DIAPH2: variants seen among roughly 807,000 people sequenced by gnomAD.
DIAPH2 encodes protein diaphanous homolog 2.
A neutral mutation model predicts 92.7 loss-of-function variants in DIAPH2; 35 were observed. The observed-to-expected ratio is 0.38, with a 90% confidence interval of 0.29 to 0.50. The LOEUF (loss-of-function observed/expected upper bound fraction) is 0.50, where lower values mean the gene tolerates loss of function less well. Ranked by LOEUF, DIAPH2 falls within the 20% of genes least tolerant of loss-of-function variation. The pLI, the probability that DIAPH2 is intolerant of heterozygous loss-of-function variation, is 0.94. For synonymous variants in DIAPH2, 301 were observed against 280.4 expected (o/e 1.07, Z -0.73); for missense variants, 701 against 819.5 (o/e 0.86, Z 1.77).
chrX:97,291,352 C>T (rs910463407), intron 23 of DIAPH2, among the ~76,000 whole-genome samples: 2 of 110,720 alleles, frequency 1.8e-5, no homozygotes, highest in African/African-American at 6.5e-5. Context: ...GAGCCGAGAT[C>T]GCACCACTGC....
chrX:96,946,527 A>G (rs773019377), intron 14 of DIAPH2, among the ~76,000 whole-genome samples: 2 of 112,152 alleles, frequency 1.8e-5, no homozygotes, highest in Non-Finnish European at 3.8e-5. Context: ...ACTTCAGGGC[A>G]TCTGAAGAAA....
At chrX:97,427,424 A>T (rs2070078818) in intron 25 of DIAPH2, among the ~76,000 whole-genome samples, 1 of 111,140 alleles carries the variant, frequency 9.0e-6, no homozygotes, top group African/African-American at 3.3e-5. Flanking sequence ...TATCAGACTG[A>T]TCTGAGTTCA....
At chrX:96,901,987 A>G (rs2065400806) in intron 5 of DIAPH2, among the ~76,000 whole-genome samples, 1 of 111,908 alleles carries the variant, frequency 8.9e-6, no homozygotes, top group South Asian at 3.7e-4. Flanking sequence ...AACGTGTGTC[A>G]CTAGTACCAT....
chrX:96,837,202 G>A, intron 4 of DIAPH2, among the ~76,000 whole-genome samples: 1 of 110,965 alleles, frequency 9.0e-6, no homozygotes, highest in Non-Finnish European at 1.9e-5. Flanking sequence ...TTAGGTAAGG[G>A]TGTTTTATTT....
chrX:97,396,639 AAAAT>A (rs1395777721), intron 25 of DIAPH2, among the ~76,000 whole-genome samples: 2 of 111,873 alleles, frequency 1.8e-5, no homozygotes, highest in Admixed American at 9.5e-5. Context: ...CTGTCTAAAA[AAAAT>A]AAATAAATAA....
intron 26 of DIAPH2, among the ~76,000 whole-genome samples, chrX:97,593,830 A>G (rs1183396269): frequency 8.9e-6 from 1 of 111,948 alleles, no homozygotes; most frequent in Non-Finnish European, 1.9e-5. Context: ...TGATCAGTAT[A>G]GAAAGGAAGA....
At chrX:97,211,226 TTTC>T (rs1371993609) in intron 22 of DIAPH2, among the ~76,000 whole-genome samples, 1 of 111,580 alleles carries the variant, frequency 9.0e-6, no homozygotes, top group Non-Finnish European at 1.9e-5. Context: ...AAAGAAACAT[TTTC>T]TTCTTTTTAG....
intron 22 of DIAPH2, among the ~76,000 whole-genome samples, chrX:97,173,907 C>CAA (rs1229587025): frequency 1.3e-5 from 1 of 79,401 alleles, no homozygotes. Flanking sequence ...GACCCTATCT[C>CAA]AAAAAAAAAA....
At chrX:96,839,911 A>G (rs1405523367) in intron 4 of DIAPH2, among the ~76,000 whole-genome samples, 2 of 112,233 alleles carry the variant, frequency 1.8e-5, no homozygotes, top group Non-Finnish European at 3.8e-5. Context: ...GAATGTAAAA[A>G]TTTCATCTAG....
rs1345826251 is a variant in DIAPH2 at position 96,949,007 on chromosome X, C to G, written c.1582C>G (p.Leu528Val). The change falls in exon 15 of 27, where the codon CTT (leucine) becomes GTT (valine). Residue 528 changes from leucine to valine, a missense_variant. Transcript: ENST00000324765. ...AAAAAGAGATGAGAAAATCAAAGAA[C>G]TTGAAGCAGAAATCCAGCAACTTCG... Reference protein sequence around the residue: ...LQKRDEKIKELEAEIQQLRTQ... With the variant: ...LQKRDEKIKEVEAEIQQLRTQ... 6.7e-6 allele frequency: 8 copies of G among 1,201,435 alleles called. No homozygotes were observed.
chrX:97,534,616 A>G (rs1345598205), intron 26 of DIAPH2, among the ~76,000 whole-genome samples: 1 of 111,483 alleles, frequency 9.0e-6, no homozygotes, highest in Admixed American at 9.6e-5. Flanking sequence ...TCTACTTAAC[A>G]TTCTCCATAA....
intron 23 of DIAPH2, among the ~76,000 whole-genome samples, chrX:97,339,760 A>G (rs780719263): frequency 8.9e-6 from 1 of 112,103 alleles, no homozygotes; most frequent in Non-Finnish European, 1.9e-5. Context: ...AAATAACTTC[A>G]TGCTTGAAAA....
chrX:97,443,232 A>G (rs1282245657), intron 26 of DIAPH2, among the ~76,000 whole-genome samples: 1 of 111,973 alleles, frequency 8.9e-6, no homozygotes, highest in Non-Finnish European at 1.9e-5. Flanking sequence ...CAGTTCTTCT[A>G]TTATTTCTTG....
At chrX:97,515,865 A>T (rs770095421) in intron 26 of DIAPH2, among the ~76,000 whole-genome samples, 3 of 111,297 alleles carry the variant, frequency 2.7e-5, no homozygotes, top group Non-Finnish European at 5.6e-5. Flanking sequence ...CTTGAACCCC[A>T]TCAGTAGCAA....
chrX:97,361,737 T>C (rs1293103504), intron 24 of DIAPH2, among the ~76,000 whole-genome samples: 2 of 111,864 alleles, frequency 1.8e-5, no homozygotes, highest in Non-Finnish European at 3.8e-5. Flanking sequence ...AGGCATCACA[T>C]TCAAATATGG....
chrX:97,088,414 G>C (rs2066798962), intron 19 of DIAPH2, among the ~76,000 whole-genome samples: 1 of 112,345 alleles, frequency 8.9e-6, no homozygotes, highest in Non-Finnish European at 1.9e-5. Flanking sequence ...GTTTGCATGT[G>C]ATGCAGACAT....
chrX:97,306,786 T>TA (rs1240747191), intron 23 of DIAPH2, among the ~76,000 whole-genome samples: 1 of 111,990 alleles, frequency 8.9e-6, no homozygotes, highest in African/African-American at 3.2e-5. Context: ...GAAGCACTTG[T>TA]AACAGATAAA....
chrX:96,713,672 C>A (rs1178606010), intron 1 of DIAPH2, among the ~76,000 whole-genome samples: 1 of 112,014 alleles, frequency 8.9e-6, no homozygotes, highest in Non-Finnish European at 1.9e-5. Context: ...TCCTGGCAAC[C>A]ACTGATCTTT....
rs148829383 is a variant in DIAPH2, at chrX:97,313,466, T to G, written c.2845-34650T>G. On this transcript the variant is annotated intron_variant, in intron 23 of 26. Transcript: ENST00000324765. Reference sequence around the variant, plus strand: ...TCATCGTGCTGCTTCTTTCAACTTTTATTGTCTAAGCTCATTTTCTTCATT... The same window carrying G: ...TCATCGTGCTGCTTCTTTCAACTTTGATTGTCTAAGCTCATTTTCTTCATT... Among the ~76,000 whole-genome samples, 967 of 112,178 alleles carry G rather than the reference T, an allele frequency of 8.6e-3. 8 individuals carry two copies. The highest frequency in any genetic ancestry group is 0.029 in the African/African-American group (911 of 30,900).
Sources: gnomAD v4.1 joint callset for allele counts (sites outside exome capture counted in the v4.1 genomes callset) on GRCh38, gnomAD v4.1.1 for gene constraint, MANE v1.5 for transcripts, NCBI Gene and HGNC (gene_info 2026-07-23, HGNC 2026-07-21) for gene names.